The following RAB11FIP4 variants were observed in gnomAD, a reference collection of about 807,000 sequenced individuals.
RAB11FIP4 encodes rab11 family-interacting protein 4.
A neutral mutation model predicts 74.3 loss-of-function variants in RAB11FIP4; 23 were observed. That is an observed-to-expected ratio of 0.31 (90% CI 0.22 to 0.44). The LOEUF (loss-of-function observed/expected upper bound fraction) is 0.44, where lower values mean the gene tolerates loss of function less well. Ranked by LOEUF, RAB11FIP4 falls within the 20% of genes least tolerant of loss-of-function variation. RAB11FIP4 has a pLI of 1.00. For missense variants in RAB11FIP4, 630 were observed against 863.9 expected (o/e 0.73, Z 3.39); for synonymous variants, 360 against 359.9 (o/e 1.00, Z 0.00).
chr17:31,400,205 G>A (rs748850899), intron 1 of RAB11FIP4, among the ~76,000 whole-genome samples: 2 of 152,204 alleles, frequency 1.3e-5, no homozygotes, highest in African/African-American at 2.4e-5. Flanking sequence ...TGTCAGGTGC[G>A]GGTAAGTGGC....
intron 1 of RAB11FIP4, among the ~76,000 whole-genome samples, chr17:31,400,904 G>A (rs931957364): frequency 7.2e-5 from 11 of 152,192 alleles, no homozygotes; most frequent in African/African-American, 2.7e-4. Context: ...CCCTGGCCCT[G>A]GGGTCTCATC....
At chr17:31,477,756 T>C (rs1344286214) in intron 3 of RAB11FIP4, among the ~76,000 whole-genome samples, 2 of 152,196 alleles carry the variant, frequency 1.3e-5, no homozygotes, top group East Asian at 3.8e-4. Flanking sequence ...CTTTTTTACA[T>C]AGGATAACGG....
chr17:31,518,527 T>C (rs1353102810), intron 4 of RAB11FIP4: 4 of 152,350 alleles, frequency 2.6e-5, no homozygotes. Flanking sequence ...TAGTGCACTA[T>C]GCCGATCGGA....
intron 1 of RAB11FIP4, among the ~76,000 whole-genome samples, chr17:31,419,941 A>G (rs976276539): frequency 2.6e-5 from 4 of 152,200 alleles, no homozygotes; most frequent in African/African-American, 9.7e-5. Context: ...TGGCTCTTCT[A>G]TTCTCTGGAA....
At chr17:31,506,207 C>T (rs376730399) in intron 3 of RAB11FIP4, among the ~76,000 whole-genome samples, 121 of 152,222 alleles carry the variant, frequency 7.9e-4, no homozygotes, top group African/African-American at 2.8e-3. Context: ...ACTCAGTTTT[C>T]TTTAAAAGTA....
chr17:31,455,148 A>G (rs2071567182), intron 3 of RAB11FIP4, among the ~76,000 whole-genome samples: 1 of 152,244 alleles, frequency 6.6e-6, no homozygotes, highest in Non-Finnish European at 1.5e-5. Context: ...TTTTACATGC[A>G]TGAAAAGCCA....
Position 31,528,481 on chromosome 17 carries a change from A to G in RAB11FIP4, c.1432A>G (p.Met478Val). The change falls in exon 12 of 15, where the codon ATG (methionine) becomes GTG (valine). Residue 478 changes from methionine to valine, a missense_variant. Transcript: ENST00000621161. ...LKDEMDLYKRMMDKLRQNRLE... is the reference protein window; with the variant it reads ...LKDEMDLYKRVMDKLRQNRLE... ...AGATGAGATGGACCTGTACAAGCGC[A>G]TGATGGACAAGCTGCGACAGAACCG... The G allele has an allele frequency of 3.1e-6, 5 of 1,613,798 alleles. No individual in the cohort carries two copies. The highest frequency in any genetic ancestry group is 1.1e-5 in the South Asian group (1 of 91,092).
intron 1 of RAB11FIP4, among the ~76,000 whole-genome samples, chr17:31,414,987 C>T (rs1042283488): frequency 1.3e-5 from 2 of 152,206 alleles, no homozygotes; most frequent in Non-Finnish European, 2.9e-5. Context: ...AGCTTCCCAG[C>T]GTTGACCCAA....
chr17:31,496,659 C>G (rs2072122036), intron 3 of RAB11FIP4, among the ~76,000 whole-genome samples: 1 of 152,226 alleles, frequency 6.6e-6, no homozygotes, highest in African/African-American at 2.4e-5. Context: ...TTGAAGCTCC[C>G]TGGGGTGGGA....
At chr17:31,403,781 T>C (rs991669079) in intron 1 of RAB11FIP4, among the ~76,000 whole-genome samples, 4 of 151,970 alleles carry the variant, frequency 2.6e-5, no homozygotes, top group African/African-American at 4.8e-5. Flanking sequence ...GCTGTGGGGG[T>C]CTCATGTTCT....
In RAB11FIP4 at chr17:31,521,945, C is replaced by T. The variant is rs138290575; in HGVS notation, c.789C>T (p.His263=). 4.5e-5 allele frequency: 72 copies of T among 1,614,070 alleles called. No individual in the cohort carries two copies. In the African/African-American group the frequency reaches 8.7e-4, roughly 19 times the overall value. The change falls in exon 6 of 15, where the codon CAC becomes CAT. Residue 263 remains histidine, a synonymous_variant. Coordinates refer to ENST00000621161, the MANE Select transcript of RAB11FIP4 (RefSeq NM_032932.6). The part of the protein sequence containing the change: ...SAGQTPRKMR[H]VYNSELLDVY... ...GGCAGACGCCTAGGAAAATGCGGCA[C>T]GTGTACAACAGCGAATTGCTAGATG...
chr17:31,487,190 T>G lies in RAB11FIP4; in HGVS notation c.337-30461T>G, dbSNP rs377480910. Reference sequence around the variant, plus strand: ...AACAGCAGGTCAAAGGGCAACCACATTTGCAATATTTGCCGCTTTACATTC... The same window carrying G: ...AACAGCAGGTCAAAGGGCAACCACAGTTGCAATATTTGCCGCTTTACATTC... On this transcript the variant is annotated intron_variant, in intron 3 of 14. Transcript: ENST00000621161. Among the ~76,000 whole-genome samples the G allele has an allele frequency of 3.3e-4, 50 of 152,342 alleles. No individual in the cohort carries two copies. The East Asian group carries it at 9.1e-3, about 28-fold the overall frequency.
chr17:31,491,062 A>G (rs1170785219), intron 3 of RAB11FIP4, among the ~76,000 whole-genome samples: 1 of 152,242 alleles, frequency 6.6e-6, no homozygotes, highest in Non-Finnish European at 1.5e-5. Context: ...CTCAGGTCTC[A>G]TGGCTGGATT....
At chr17:31,485,281 A>C (rs2071890275) in intron 3 of RAB11FIP4, among the ~76,000 whole-genome samples, 1 of 152,208 alleles carries the variant, frequency 6.6e-6, no homozygotes, top group Admixed American at 6.5e-5. Flanking sequence ...TTTAAGGACA[A>C]GTACCTGCAG....
At chr17:31,396,421 TC>T (rs2070931827) in intron 1 of RAB11FIP4, among the ~76,000 whole-genome samples, 1 of 152,092 alleles carries the variant, frequency 6.6e-6, no homozygotes, top group Non-Finnish European at 1.5e-5. Flanking sequence ...CTGATCAGAG[TC>T]CCCATTCTAT....
rs1005968620 is a variant in RAB11FIP4 at position 31,512,394 on chromosome 17, G to A, written c.337-5257G>A. ...TGTAAGTGGCTGGGCCAGCAGGGCC[G>A]GAAACCCAGACTGCTAGGCCCCAGA... On this transcript the variant is annotated intron_variant, in intron 3 of 14. Transcript: ENST00000621161. The surrounding 1 kb of genome is among the most constrained non-coding windows in gnomAD (Gnocchi z 4.1). Among the ~76,000 whole-genome samples the A allele has an allele frequency of 2.0e-5, 3 of 152,152 alleles. No homozygotes were observed. The highest frequency in any genetic ancestry group is 1.9e-4 in the East Asian group (1 of 5,190).
intron 1 of RAB11FIP4, among the ~76,000 whole-genome samples, chr17:31,417,903 A>G (rs2071163177): frequency 6.6e-6 from 1 of 152,136 alleles, no homozygotes; most frequent in African/African-American, 2.4e-5. Flanking sequence ...GTTCAAGACC[A>G]ACCTGGGCAA....
At chr17:31,495,601 A>G (rs1163064421) in intron 3 of RAB11FIP4, among the ~76,000 whole-genome samples, 2 of 152,040 alleles carry the variant, frequency 1.3e-5, no homozygotes, top group East Asian at 1.9e-4. Context: ...GGCGCAAGCA[A>G]TCCTTCCACC....
At chr17:31,457,664 G>A (rs928875678) in intron 3 of RAB11FIP4, among the ~76,000 whole-genome samples, 2 of 151,952 alleles carry the variant, frequency 1.3e-5, no homozygotes, top group African/African-American at 2.4e-5. Flanking sequence ...ACAGCCTGGG[G>A]GTGGGAGCAG....
Sources: allele counts gnomAD v4.1 joint callset (sites outside exome capture counted in the v4.1 genomes callset), GRCh38; gene constraint gnomAD v4.1.1; non-coding constraint Gnocchi (gnomAD v3.1); transcripts MANE v1.5; gene names NCBI Gene and HGNC (gene_info 2026-07-23, HGNC 2026-07-21).